The following GPR158 variants were observed in gnomAD, a reference collection of about 807,000 sequenced individuals.
The protein encoded by GPR158 is G protein-coupled receptor 158, also known as metabotropic glycine receptor.
GPR158 carries 30 observed loss-of-function variants against 78.2 expected under a neutral mutation model. The observed-to-expected ratio is 0.38, with a 90% CI of 0.29 to 0.52. GPR158 has a LOEUF of 0.52. Ranked by LOEUF, GPR158 falls within the 20% of genes least tolerant of loss-of-function variation. The probability of loss-of-function intolerance (pLI) is 0.83; values close to 1 mark genes in which losing one functional copy is unlikely to be tolerated. For synonymous variants in GPR158, 581 were observed against 591.1 expected (o/e 0.98, Z 0.25); for missense variants, 1,463 against 1,523.5 (o/e 0.96, Z 0.66).
chr10:25,530,286 G>C (rs781707405), intron 5 of GPR158, among the ~76,000 whole-genome samples: 1 of 152,178 alleles, frequency 6.6e-6, no homozygotes, highest in Non-Finnish European at 1.5e-5. Flanking sequence ...TAATGCCAGC[G>C]TGAATCTGGT....
intron 2 of GPR158, among the ~76,000 whole-genome samples, chr10:25,366,634 G>A (rs1235842250): frequency 6.6e-6 from 1 of 151,602 alleles, no homozygotes. Context: ...AATGATGTGT[G>A]TTAACACCAT....
At chr10:25,390,243 C>A (rs764528701) in intron 2 of GPR158, among the ~76,000 whole-genome samples, 9 of 152,108 alleles carry the variant, frequency 5.9e-5, no homozygotes, top group Non-Finnish European at 1.0e-4. Context: ...TATTAAGATA[C>A]CCTAAAATGT....
At chr10:25,240,462 T>C (rs1280325576) in intron 2 of GPR158, among the ~76,000 whole-genome samples, 1 of 152,176 alleles carries the variant, frequency 6.6e-6, no homozygotes, top group African/African-American at 2.4e-5. Context: ...TGAGCCTAGA[T>C]CGTGCCATCC....
chr10:25,376,633 T>G (rs558085751), intron 2 of GPR158, among the ~76,000 whole-genome samples: 1 of 151,756 alleles, frequency 6.6e-6, no homozygotes, highest in South Asian at 2.1e-4. Flanking sequence ...GGGATCATTT[T>G]CTCTCTGCCT....
intron 5 of GPR158, among the ~76,000 whole-genome samples, chr10:25,534,638 C>T (rs986348533): frequency 6.6e-6 from 1 of 150,902 alleles, no homozygotes; most frequent in African/African-American, 2.4e-5. Flanking sequence ...TCTGTAATCT[C>T]AACTATTTGG....
At chr10:25,543,881 C>G (rs539003726) in intron 5 of GPR158, among the ~76,000 whole-genome samples, 1 of 152,078 alleles carries the variant, frequency 6.6e-6, no homozygotes, top group African/African-American at 2.4e-5. Context: ...GGTTATGAAC[C>G]AAGTCCTTCA....
At chr10:25,199,898 C>A (rs966272606) in intron 1 of GPR158, among the ~76,000 whole-genome samples, 7 of 152,168 alleles carry the variant, frequency 4.6e-5, no homozygotes, top group African/African-American at 7.2e-5. Context: ...ATGACATTTT[C>A]TTTATCCAAT....
At chr10:25,443,263 T>A (rs755347072) in intron 4 of GPR158, among the ~76,000 whole-genome samples, 1 of 152,066 alleles carries the variant, frequency 6.6e-6, no homozygotes, top group Non-Finnish European at 1.5e-5. Context: ...TAAAAAAAAT[T>A]TTTTTGTGAG....
At position 25,221,126 on chromosome 10, in the gene GPR158, G is replaced by T. The variant is rs769961962; in HGVS notation, c.977G>T (p.Gly326Val). 1.6e-5 allele frequency: 26 copies of T among 1,593,870 alleles called. No homozygotes were observed. In the Admixed American group the frequency reaches 1.7e-4, roughly 10 times the overall value. ...DQCSSDGWFS[G>V]THKCHLNNSE... ...TGCTCAAGTGATGGCTGGTTTTCAG[G>T]AACTCATAAATGCCACCTCAACAAT... is the stretch of plus-strand genomic sequence containing the variant. Residue 326 changes from glycine (G) to valine (V), a missense_variant, in exon 2 of 11, where the codon GGA becomes GTA. By Grantham distance (109) the Gly-to-Val change is moderately radical. Transcript: ENST00000376351.
At chr10:25,322,566 G>A (rs1854968061) in intron 2 of GPR158, among the ~76,000 whole-genome samples, 1 of 152,092 alleles carries the variant, frequency 6.6e-6, no homozygotes, top group Non-Finnish European at 1.5e-5. Context: ...GTTTGTAATG[G>A]CATTTAGAAT....
intron 4 of GPR158, among the ~76,000 whole-genome samples, chr10:25,442,198 G>C (rs1050645381): frequency 1.4e-5 from 2 of 146,568 alleles, no homozygotes; most frequent in Non-Finnish European, 3.0e-5. Context: ...GAACAGAAAG[G>C]AGTTTTAAGG....
chr10:25,357,221 T>C (rs1410940502), intron 2 of GPR158, among the ~76,000 whole-genome samples: 1 of 152,088 alleles, frequency 6.6e-6, no homozygotes, highest in East Asian at 1.9e-4. Context: ...GCATTCACTT[T>C]TATAAGGGGA....
At chr10:25,590,254 A>G (rs1218221889) in intron 8 of GPR158, among the ~76,000 whole-genome samples, 3 of 152,180 alleles carry the variant, frequency 2.0e-5, no homozygotes, top group Admixed American at 6.5e-5. Context: ...AAGAGGAGGT[A>G]TCTATGGTCT....
At chr10:25,250,762 TGTG>T (rs951290040) in intron 2 of GPR158, among the ~76,000 whole-genome samples, 5 of 141,070 alleles carry the variant, frequency 3.5e-5, no homozygotes, top group African/African-American at 1.4e-4. Context: ...ATAGGTGTGG[TGTG>T]GTGCTGAAAA....
intron 2 of GPR158, among the ~76,000 whole-genome samples, chr10:25,251,467 A>G (rs1853798749): frequency 6.6e-6 from 1 of 151,266 alleles, no homozygotes. Context: ...GTTCCTTTCC[A>G]TGTTTAGCGC....
chr10:25,478,911 A>T (rs5004466), intron 5 of GPR158, among the ~76,000 whole-genome samples: 1 of 150,926 alleles, frequency 6.6e-6, no homozygotes, highest in Non-Finnish European at 1.5e-5. Flanking sequence ...TTTTTTTGTC[A>T]TTGCGATAGT....
At chr10:25,207,691 C>G (rs947706578) in intron 1 of GPR158, among the ~76,000 whole-genome samples, 33 of 152,068 alleles carry the variant, frequency 2.2e-4, no homozygotes, top group African/African-American at 7.5e-4. Context: ...TGGACTGGTA[C>G]CAGTCCATGA....
chr10:25,225,891 A>G (rs1002775770), intron 2 of GPR158, among the ~76,000 whole-genome samples: 2 of 152,196 alleles, frequency 1.3e-5, no homozygotes, highest in African/African-American at 4.8e-5. Context: ...ATCATTTGGT[A>G]TATGAGAAGA....
At chr10:25,393,634 G>A (rs958433503) in intron 2 of GPR158, 1 of 152,124 alleles carries the variant, frequency 6.6e-6, no homozygotes, top group African/African-American at 2.4e-5. Context: ...GTTCTAGCAG[G>A]GGAACACAGC....
Sources: allele counts gnomAD v4.1 joint callset (sites outside exome capture counted in the v4.1 genomes callset), GRCh38; gene constraint gnomAD v4.1.1; transcripts MANE v1.5; gene names NCBI Gene and HGNC (gene_info 2026-07-23, HGNC 2026-07-21).